Variants in PDE6B observed in about 807,000 individuals in gnomAD.
PDE6B encodes the protein rod cGMP-specific 3',5'-cyclic phosphodiesterase subunit beta.
Under a neutral mutation model 109.0 loss-of-function variants are expected in PDE6B, and 106 were observed. That is an observed-to-expected ratio of 0.97 (90% CI 0.83 to 1.14). The LOEUF is 1.14. Ranked by LOEUF, PDE6B falls within the 50% of genes most tolerant of loss-of-function variation. The pLI is 0.00. For missense variants in PDE6B, 1,193 were observed against 1,155.6 expected (o/e 1.03, Z -0.47); for synonymous variants, 490 against 471.3 (o/e 1.04, Z -0.51).
chr4:629,574 G>T (rs1010833285), intron 1 of PDE6B, among the ~76,000 whole-genome samples: 9 of 152,268 alleles, frequency 5.9e-5, no homozygotes, highest in African/African-American at 2.2e-4. Flanking sequence ...CCGGGACCCT[G>T]GTGGGTCCCC....
Position 662,415 on chromosome 4 carries a change from A to T in PDE6B, c.1723-94A>T. 1.1e-6 allele frequency: 1 copy of T among 947,896 alleles called. No homozygotes were observed. Among genetic ancestry groups the T allele is most frequent in the East Asian group, 2.5e-5 (1 of 39,528 alleles). 58.7% of individuals were successfully genotyped at this position (947,896 alleles called of 1,614,324 possible). A position where few individuals can be genotyped will look rare whatever the true frequency, so the allele number is the denominator to read the frequency against. On this transcript the variant is annotated intron_variant, in intron 13 of 21. Coordinates refer to ENST00000496514, the MANE Select transcript of PDE6B (RefSeq NM_000283.4). The surrounding 1 kb of genome is among the most constrained non-coding windows in gnomAD (Gnocchi z 4.3). ...CAGCCCTGCGGTGGTCGGAGGTCCA[A>T]CCTCCAACCCGACGCCTAGGTCATC...
At chr4:637,231 GT>G (rs564152995) in intron 3 of PDE6B, among the ~76,000 whole-genome samples, 134 of 142,810 alleles carry the variant, frequency 9.4e-4, no homozygotes, top group African/African-American at 2.3e-3. Context: ...TTTGTTTTTT[GT>G]TTTTTTTTTT....
rs910282024 is a variant in PDE6B, at chr4:633,472, T to A, written c.469-1205T>A. On this transcript the variant is annotated intron_variant, in intron 1 of 21. Coordinates refer to ENST00000496514, the MANE Select transcript of PDE6B (RefSeq NM_000283.4). This position sits in a 1 kb window ranked among gnomAD's most constrained non-coding sequence, Gnocchi z 4.5. ...CTCGGCCAGCCCCCAGCAGGCTTCC[T>A]CTGACCTCTCAACCTTGCTGCAGGG... Among the ~76,000 whole-genome samples, 1 of 152,128 alleles carries A rather than the reference T, an allele frequency of 6.6e-6. No homozygotes were observed. Among genetic ancestry groups the A allele is most frequent in the Non-Finnish European group, 1.5e-5 (1 of 67,998 alleles).
rs1246588093 is a variant in PDE6B, at chr4:654,719, GTGCA to G, written c.928-101_928-98del. 4 of 791,374 alleles carry G rather than the reference GTGCA, an allele frequency of 5.1e-6. No homozygotes were observed. The Admixed American group carries it at 5.1e-5, about 10-fold the overall frequency. 49.0% of individuals were successfully genotyped at this position (791,374 alleles called of 1,614,324 possible). A position where few individuals can be genotyped will look rare whatever the true frequency, so the allele number is the denominator to read the frequency against. ...CATGCACGGTTACGTGTGTGGGGGT[GTGCA>G]TGCGTGTGGCTGTGTGTAGCTGCAT... On this transcript the variant is annotated intron_variant, in intron 5 of 21. Transcript: ENST00000496514.
At chr4:637,046 CA>C (rs1360852883) in intron 3 of PDE6B, among the ~76,000 whole-genome samples, 1 of 152,200 alleles carries the variant, frequency 6.6e-6, no homozygotes, top group East Asian at 1.9e-4. Context: ...CTAATTTATT[CA>C]ATCATTTATT....
At chr4:649,266 A>G (rs1380601932) in intron 3 of PDE6B, among the ~76,000 whole-genome samples, 1 of 152,232 alleles carries the variant, frequency 6.6e-6, no homozygotes, top group African/African-American at 2.4e-5. Context: ...TTGAATTGTC[A>G]TAATGGCTAT....
In PDE6B at chr4:653,850, A is replaced by G. The variant is rs1735840437; in HGVS notation, c.712-2A>G. The G allele has an allele frequency of 6.2e-7, 1 of 1,613,358 alleles. No homozygotes were observed. The highest frequency in any genetic ancestry group is 8.5e-7 in the Non-Finnish European group (1 of 1,179,954). The stretch of plus-strand genomic sequence containing the variant: ...GGCCCACAGGTGTGCCCCTCCCTCC[A>G]GGTGCTGCTGTGGTCGGCCAACAAG... On this transcript the variant is annotated splice_acceptor_variant, in intron 3 of 21. Transcript: ENST00000496514. LOFTEE classifies it high-confidence loss of function.
At chr4:669,257 T>C (rs1386770215) in intron 21 of PDE6B, among the ~76,000 whole-genome samples, 2 of 136,756 alleles carry the variant, frequency 1.5e-5, no homozygotes, top group Non-Finnish European at 3.1e-5. Flanking sequence ...CACTACCCCA[T>C]GCTATTCCCA....
chr4:631,250 T>A (rs1734369393), intron 1 of PDE6B, among the ~76,000 whole-genome samples: 1 of 152,178 alleles, frequency 6.6e-6, no homozygotes, highest in African/African-American at 2.4e-5. Flanking sequence ...ACAAGAGCTG[T>A]GAAAACGTGT....
intron 21 of PDE6B, among the ~76,000 whole-genome samples, chr4:669,458 C>CCCATGCTATTCCCACTACG (rs1738227185): frequency 7.5e-6 from 1 of 134,088 alleles, no homozygotes; most frequent in Non-Finnish European, 1.6e-5. Flanking sequence ...TTCCCACTAC[C>CCCATGCTATTCCCACTACG]CCATGCTATT....
In PDE6B at chr4:653,228, C is replaced by T. The variant is rs1379659187; in HGVS notation, c.712-624C>T. The T allele has an allele frequency of 3.1e-5, 31 of 1,009,880 alleles. No homozygotes were observed. The East Asian group carries it at 2.1e-3, about 68-fold the overall frequency. 62.6% of individuals were successfully genotyped at this position (1,009,880 alleles called of 1,614,324 possible). A position where few individuals can be genotyped will look rare whatever the true frequency, so the allele number is the denominator to read the frequency against. On this transcript the variant is annotated intron_variant, in intron 3 of 21. Transcript: ENST00000496514. ...ACCATGCGGTAGAAGACCCAGCGGC[C>T]GCCGCGAGTGTGAGGAGGCAGGGCC...
At chr4:669,778 C>T (rs928018337) in intron 21 of PDE6B, among the ~76,000 whole-genome samples, 1 of 151,846 alleles carries the variant, frequency 6.6e-6, no homozygotes, top group African/African-American at 2.4e-5. Flanking sequence ...ATCCCCCTAC[C>T]CCATGCTATT....
chr4:626,724 C>T lies in PDE6B; in HGVS notation c.468+630C>T, dbSNP rs1734123661. Among the ~76,000 whole-genome samples the T allele has an allele frequency of 6.6e-6, 1 of 152,208 alleles. No homozygotes were observed. The highest frequency in any genetic ancestry group is 2.4e-5 in the African/African-American group (1 of 41,456). ...AAGAGACAGAATCGAGACAGGCTCA[C>T]TGGAGTCACTGAAGGAGGGAAGGGC... On this transcript the variant is annotated intron_variant, in intron 1 of 21. Coordinates refer to ENST00000496514, the MANE Select transcript of PDE6B (RefSeq NM_000283.4). This position sits in a 1 kb window ranked among gnomAD's most constrained non-coding sequence, Gnocchi z 4.6.
At chr4:653,754 G>A (rs1305503918) in intron 3 of PDE6B, 98 bp from the exon 4 acceptor site, 17 of 1,318,942 alleles carry the variant, frequency 1.3e-5, no homozygotes, top group Non-Finnish European at 1.6e-5. Context: ...ATCAGGGAGC[G>A]CACCTGTGTC....
At position 666,905 on chromosome 4, in the gene PDE6B, G is replaced by A. The variant is rs184318263; in HGVS notation, c.2352+291G>A. Among the ~76,000 whole-genome samples the A allele has an allele frequency of 8.7e-4, 133 of 152,350 alleles. No homozygotes were observed. Among genetic ancestry groups the A allele is most frequent in the African/African-American group, 3.0e-3 (126 of 41,588 alleles). ...GCTAGCCTCCAGGCCTACCCCAGAAGTTCTCCCTCAGTGCCCTCCGCCGTG... is the reference window on the plus strand; with the variant it reads ...GCTAGCCTCCAGGCCTACCCCAGAAATTCTCCCTCAGTGCCCTCCGCCGTG... On this transcript the variant is annotated intron_variant, in intron 20 of 21. Transcript: ENST00000496514. This position sits in a 1 kb window ranked among gnomAD's most constrained non-coding sequence, Gnocchi z 5.6.
In PDE6B at chr4:625,893, C is replaced by A; in HGVS notation, c.267C>A (p.Ala89=). The A allele has an allele frequency of 6.2e-7, 1 of 1,604,074 alleles. No individual in the cohort carries two copies. The highest frequency in any genetic ancestry group is 8.5e-7 in the Non-Finnish European group (1 of 1,176,190). Residue 89 remains alanine, a synonymous_variant, in exon 1 of 22, where the codon GCC becomes GCA. Transcript: ENST00000496514. This position sits in a 1 kb window ranked among gnomAD's most constrained non-coding sequence, Gnocchi z 5.0. ...GGCGCCTCTGCACCCTCCTGCAGGC[C>A]GACCGCTGCAGCCTCTTCATGTACC... ...VLRRLCTLLQ[A]DRCSLFMYRQ...
rs373363088 is a variant in PDE6B at position 653,810 on chromosome 4, G to A, written c.712-42G>A. 4.0e-5 allele frequency: 65 copies of A among 1,611,088 alleles called. 1 individual carries two copies. In the African/African-American group the frequency reaches 7.6e-4, roughly 19 times the overall value. ...CTGCTGTGGTCAGACCGGCGTGAGG[G>A]TGGGAGTGGCCACAGGCCCACAGGT... is the stretch of plus-strand genomic sequence containing the variant. On this transcript the variant is annotated intron_variant, in intron 3 of 21. Coordinates refer to ENST00000496514, the MANE Select transcript of PDE6B (RefSeq NM_000283.4).
rs747618111 is a variant in PDE6B at position 670,030 on chromosome 4, C to T, written c.2504-16C>T. 18 of 1,610,370 alleles carry T rather than the reference C, an allele frequency of 1.1e-5. No individual in the cohort carries two copies. The highest frequency in any genetic ancestry group is 5.5e-5 in the South Asian group (5 of 91,028). ...CACAGGTGGTTCCACTCACCATCTT[C>T]TGTCTTCTCTTGCAGTAGGCACAGA... On this transcript the variant is annotated splice_polypyrimidine_tract_variant and intron_variant, in intron 21 of 21. Coordinates refer to ENST00000496514, the MANE Select transcript of PDE6B (RefSeq NM_000283.4).
intron 3 of PDE6B, chr4:651,837 C>T (rs1169889369): frequency 6.5e-6 from 1 of 153,132 alleles, no homozygotes; most frequent in Non-Finnish European, 1.5e-5. Flanking sequence ...GACCCACTAA[C>T]TCCAGTGACT....
Sources: gnomAD v4.1 joint callset for allele counts (sites outside exome capture counted in the v4.1 genomes callset) on GRCh38, gnomAD v4.1.1 for gene constraint, Gnocchi (gnomAD v3.1) non-coding constraint, MANE v1.5 for transcripts, NCBI Gene and HGNC (gene_info 2026-07-23, HGNC 2026-07-21) for gene names.